The following WNT3A variants were observed in gnomAD, a reference collection of about 807,000 sequenced individuals.
WNT3A encodes Wnt family member 3A.
A neutral mutation model predicts 37.0 loss-of-function variants in WNT3A; 17 were observed. That is an observed-to-expected ratio of 0.46 (90% CI 0.31 to 0.69). The LOEUF is 0.69. WNT3A is among the 30% of genes least tolerant of loss of function. The probability of loss-of-function intolerance (pLI) is 0.05; values close to 1 mark genes in which losing one functional copy is unlikely to be tolerated. For synonymous variants in WNT3A, 187 were observed against 211.0 expected (o/e 0.89, Z 0.99); for missense variants, 411 against 510.2 (o/e 0.81, Z 1.87).
At chr1:228,023,123 G>A (rs898698429) in intron 2 of WNT3A, among the ~76,000 whole-genome samples, 6 of 152,240 alleles carry the variant, frequency 3.9e-5, no homozygotes, top group South Asian at 2.1e-4. Flanking sequence ...CCTGCTCCCT[G>A]GAGAGGAAAG....
In WNT3A at chr1:228,039,250, A is replaced by G. The variant is rs181653673; in HGVS notation, c.314-11406A>G. On this transcript the variant is annotated intron_variant, in intron 2 of 3. Coordinates refer to ENST00000284523, the MANE Select transcript of WNT3A (RefSeq NM_033131.4). The surrounding 1 kb of genome is among the most constrained non-coding windows in gnomAD (Gnocchi z 4.1). ...GGCAAAGGCGGCATCCCAAGCTCCT[A>G]GGAAAGGAGGTGTCAGCTGCCCCAG... 1.6e-4 allele frequency among the ~76,000 whole-genome samples: 24 copies of G among 152,280 alleles called. No homozygotes were observed. The East Asian group carries it at 4.4e-3, about 28-fold the overall frequency.
At chr1:228,026,214 G>A (rs952888861) in intron 2 of WNT3A, among the ~76,000 whole-genome samples, 3 of 151,840 alleles carry the variant, frequency 2.0e-5, no homozygotes, top group African/African-American at 7.3e-5. Context: ...TTGGTGAATT[G>A]TGTAGAATTT....
In WNT3A at chr1:228,060,258, C is replaced by T; in HGVS notation, c.*793C>T. On this transcript the variant is annotated 3_prime_UTR_variant, in exon 4 of 4. Coordinates refer to ENST00000284523, the MANE Select transcript of WNT3A (RefSeq NM_033131.4). ...CACCAGCCACCTCATCCCCAACCCC[C>T]TGTAAGGTTCCATCCACCCCTGCGT... 7.4e-7 allele frequency: 1 copy of T among 1,351,754 alleles called. No individual in the cohort carries two copies. The highest frequency in any genetic ancestry group is 9.8e-7 in the Non-Finnish European group (1 of 1,021,504). 83.7% of individuals were successfully genotyped at this position (1,351,754 alleles called of 1,614,324 possible). A position where few individuals can be genotyped will look rare whatever the true frequency, so the allele number is the denominator to read the frequency against.
chr1:228,058,857 C>CT, intron 3 of WNT3A, 129 bp from the exon 4 acceptor site: 2 of 965,372 alleles, frequency 2.1e-6, no homozygotes, highest in East Asian at 2.6e-5. Flanking sequence ...GGGGCCCTGC[C>CT]TGGGAGTCTG....
At chr1:228,055,492 T>C (rs1475639049) in intron 3 of WNT3A, among the ~76,000 whole-genome samples, 2 of 151,824 alleles carry the variant, frequency 1.3e-5, no homozygotes, top group Non-Finnish European at 2.9e-5. Context: ...TACATAGATA[T>C]AGATGCTAAT....
chr1:228,009,968 C>T (rs982389700), intron 1 of WNT3A, among the ~76,000 whole-genome samples: 5 of 152,194 alleles, frequency 3.3e-5, no homozygotes, highest in South Asian at 4.1e-4. Flanking sequence ...TGTCCAGGGG[C>T]ATCCATTCTG....
At chr1:228,054,600 C>G (rs1054232611) in intron 3 of WNT3A, among the ~76,000 whole-genome samples, 1 of 145,608 alleles carries the variant, frequency 6.9e-6, no homozygotes, top group East Asian at 2.0e-4. Flanking sequence ...TGCACTCCAG[C>G]CTGGGCGACA....
chr1:228,044,334 C>G (rs1455332422), intron 2 of WNT3A, among the ~76,000 whole-genome samples: 1 of 152,194 alleles, frequency 6.6e-6, no homozygotes, highest in East Asian at 1.9e-4. Flanking sequence ...GTTCTATTCA[C>G]CACACTCTGG....
chr1:228,056,851 G>C (rs1308044141), intron 3 of WNT3A, among the ~76,000 whole-genome samples: 1 of 152,196 alleles, frequency 6.6e-6, no homozygotes, highest in Non-Finnish European at 1.5e-5. Context: ...ATGAAAGCTA[G>C]AAGAAAACAG....
At position 228,007,087 on chromosome 1, in the gene WNT3A, C is replaced by G; in HGVS notation, c.-42C>G. 1 of 1,484,840 alleles carries G rather than the reference C, an allele frequency of 6.7e-7. No homozygotes were observed. Among genetic ancestry groups the G allele is most frequent in the Non-Finnish European group, 9.0e-7 (1 of 1,111,192 alleles). 92.0% of individuals were successfully genotyped at this position (1,484,840 alleles called of 1,614,324 possible). On this transcript the variant is annotated 5_prime_UTR_variant, in exon 1 of 4. Coordinates refer to ENST00000284523, the MANE Select transcript of WNT3A (RefSeq NM_033131.4). This position sits in a 1 kb window ranked among gnomAD's most constrained non-coding sequence, Gnocchi z 6.0. Reference sequence around the variant, plus strand: ...CCCGGCCCCCCCCGGCGCTCACGCTCTCGGGGCGGACTCCCGGCCCTCCGC... The same window carrying G: ...CCCGGCCCCCCCCGGCGCTCACGCTGTCGGGGCGGACTCCCGGCCCTCCGC...
At chr1:228,052,024 A>G (rs1189903981) in intron 3 of WNT3A, among the ~76,000 whole-genome samples, 1 of 152,194 alleles carries the variant, frequency 6.6e-6, no homozygotes, top group Non-Finnish European at 1.5e-5. Context: ...ACACTTCAAC[A>G]TGAAATTTGG....
At chr1:228,041,181 T>C (rs2031277970) in intron 2 of WNT3A, among the ~76,000 whole-genome samples, 1 of 152,118 alleles carries the variant, frequency 6.6e-6, no homozygotes, top group South Asian at 2.1e-4. Flanking sequence ...ACGAAGGATT[T>C]GTTAAGATCC....
rs1424312769 is a variant in WNT3A at position 228,059,051 on chromosome 1, G to A, written c.645G>A (p.Lys215=). 1 of 1,613,646 alleles carries A rather than the reference G, an allele frequency of 6.2e-7. No homozygotes were observed. Among genetic ancestry groups the A allele is most frequent in the South Asian group, 1.1e-5 (1 of 91,086 alleles). The stretch of plus-strand genomic sequence containing the variant: ...GGCTGTCGGGCAGCTGCGAGGTGAA[G>A]ACATGCTGGTGGTCGCAACCCGACT... The part of the protein sequence containing the change: ...CHGLSGSCEV[K]TCWWSQPDFR... The change falls in exon 4 of 4, where the codon AAG becomes AAA. Residue 215 remains lysine (K), a synonymous_variant. Transcript: ENST00000284523.
intron 1 of WNT3A, among the ~76,000 whole-genome samples, chr1:228,012,416 C>A (rs1013853015): frequency 5.9e-5 from 9 of 152,318 alleles, no homozygotes; most frequent in African/African-American, 1.4e-4. Context: ...GTGCTGCAAC[C>A]ATTTCTGTGG....
intron 2 of WNT3A, among the ~76,000 whole-genome samples, chr1:228,036,089 G>A (rs576430115): frequency 7.9e-5 from 12 of 152,262 alleles, no homozygotes; most frequent in Admixed American, 2.6e-4. Context: ...CCCTGGCTGC[G>A]CTCTCCATAA....
rs923515309 is a variant in WNT3A, at chr1:228,038,061, C to T, written c.314-12595C>T. On this transcript the variant is annotated intron_variant, in intron 2 of 3. Coordinates refer to ENST00000284523, the MANE Select transcript of WNT3A (RefSeq NM_033131.4). The surrounding 1 kb of genome is among the most constrained non-coding windows in gnomAD (Gnocchi z 5.7). ...ATTCAAGCGCCCCAGCGGGTCAGCACGGCGCCCGGCCGCGCGGGCCGCCCG... is the reference window on the plus strand; with the variant it reads ...ATTCAAGCGCCCCAGCGGGTCAGCATGGCGCCCGGCCGCGCGGGCCGCCCG... Among the ~76,000 whole-genome samples, 3 of 152,016 alleles carry T rather than the reference C, an allele frequency of 2.0e-5. No individual in the cohort carries two copies. Among genetic ancestry groups the T allele is most frequent in the Non-Finnish European group, 4.4e-5 (3 of 67,962 alleles).
rs2031214106 is a variant in WNT3A at position 228,039,101 on chromosome 1, CCAGA to C, written c.314-11551_314-11548del. ...CCCTGCCAGAGCTGGGGGTGTCCAG[CCAGA>C]CAGTCAGCATTGCCAGGGGAAAGAG... On this transcript the variant is annotated intron_variant, in intron 2 of 3. Transcript: ENST00000284523. The surrounding 1 kb of genome is among the most constrained non-coding windows in gnomAD (Gnocchi z 4.1). 6.6e-6 allele frequency among the ~76,000 whole-genome samples: 1 copy of C among 152,138 alleles called. No homozygotes were observed. Among genetic ancestry groups the C allele is most frequent in the African/African-American group, 2.4e-5 (1 of 41,420 alleles).
At chr1:228,028,618 C>G (rs2030913511) in intron 2 of WNT3A, among the ~76,000 whole-genome samples, 3 of 152,176 alleles carry the variant, frequency 2.0e-5, no homozygotes, top group African/African-American at 7.2e-5. Context: ...GCAACCACAC[C>G]TGGCTAGTTC....
rs1198021785 is a variant in WNT3A, at chr1:228,007,746, ACTGGGGGC to A, written c.71+549_71+556del. ...TGGCGCAGAGCCGGCGGCGGGGCGC[ACTGGGGGC>A]CGGCCCTGGGCCCCGCGCGCCTCCC... On this transcript the variant is annotated intron_variant, in intron 1 of 3. Coordinates refer to ENST00000284523, the MANE Select transcript of WNT3A (RefSeq NM_033131.4). The surrounding 1 kb of genome is among the most constrained non-coding windows in gnomAD (Gnocchi z 6.0). Among the ~76,000 whole-genome samples, 1 of 147,508 alleles carries A rather than the reference ACTGGGGGC, an allele frequency of 6.8e-6. No individual in the cohort carries two copies. Among genetic ancestry groups the A allele is most frequent in the Non-Finnish European group, 1.5e-5 (1 of 67,030 alleles).
Sources: gnomAD v4.1 joint callset for allele counts (sites outside exome capture counted in the v4.1 genomes callset) on GRCh38, gnomAD v4.1.1 for gene constraint, Gnocchi (gnomAD v3.1) non-coding constraint, MANE v1.5 for transcripts, NCBI Gene and HGNC (gene_info 2026-07-23, HGNC 2026-07-21) for gene names.